CBL: variants seen among roughly 807,000 people sequenced by gnomAD.
CBL encodes E3 ubiquitin-protein ligase CBL.
CBL carries 45 observed loss-of-function variants against 96.9 expected under a neutral mutation model. The observed-to-expected ratio is 0.46, with a 90% confidence interval of 0.37 to 0.60. The LOEUF (loss-of-function observed/expected upper bound fraction) is 0.60. Among genes scored for constraint, CBL ranks in the 20% least tolerant of loss-of-function variants. The pLI, the probability that CBL is intolerant of heterozygous loss-of-function variation, is 0.00. For missense variants in CBL, 1,024 were observed against 1,143.5 expected (o/e 0.90, Z 1.51); for synonymous variants, 420 against 426.8 (o/e 0.98, Z 0.20).
chr11:119,264,224 G>T (rs1409958659), intron 2 of CBL, among the ~76,000 whole-genome samples: 1 of 152,058 alleles, frequency 6.6e-6, no homozygotes, highest in African/African-American at 2.4e-5. Context: ...TTCTTCAGTG[G>T]ATTTTTTGGT....
intron 1 of CBL, among the ~76,000 whole-genome samples, chr11:119,225,719 A>ATT (rs1216251558): frequency 1.1e-4 from 7 of 66,154 alleles, no homozygotes; most frequent in East Asian, 4.9e-4. Context: ...CAATATAAAT[A>ATT]TTTTCTTTTT....
intron 3 of CBL, among the ~76,000 whole-genome samples, chr11:119,272,541 A>G (rs1949857212): frequency 6.6e-6 from 1 of 152,200 alleles, no homozygotes; most frequent in Admixed American, 6.5e-5. Context: ...TGGAATTGCT[A>G]AGTCTTGGGG....
chr11:119,298,304 G>C (rs1950077173), intron 14 of CBL, 54 bp from the exon 15 acceptor site: 1 of 1,469,606 alleles, frequency 6.8e-7, no homozygotes, highest in Non-Finnish European at 9.5e-7. Context: ...GTATTGAAAT[G>C]TATTAGAAGA....
Position 119,302,650 on chromosome 11 carries a change from G to C in CBL, c.*2869G>C. ...GGATTGCTTTCCAAGCTGCCTTGTT[G>C]CGGGGTTGCTGCAGAGCAGCAACTG... On this transcript the variant is annotated 3_prime_UTR_variant, in exon 16 of 16. Transcript: ENST00000264033. The C allele has an allele frequency of 4.3e-6, 1 of 231,354 alleles. No individual in the cohort carries two copies. The highest frequency in any genetic ancestry group is 8.6e-6 in the Non-Finnish European group (1 of 116,904). 14.3% of individuals were successfully genotyped at this position (231,354 alleles called of 1,614,324 possible). A position where few individuals can be genotyped will look rare whatever the true frequency, so the allele number is the denominator to read the frequency against.
At chr11:119,279,118 A>G (rs1013684837) in intron 9 of CBL, among the ~76,000 whole-genome samples, 10 of 152,008 alleles carry the variant, frequency 6.6e-5, no homozygotes, top group African/African-American at 2.2e-4. Flanking sequence ...TATGAGGGAG[A>G]AATAAAAGAA....
Position 119,296,914 on chromosome 11 carries a change from C to T in CBL, c.2037-4C>T. 2 of 1,447,440 alleles carry T rather than the reference C, an allele frequency of 1.4e-6. No individual in the cohort carries two copies. The highest frequency in any genetic ancestry group is 1.9e-6 in the Non-Finnish European group (2 of 1,027,766). The allele number at this position is 1,447,440 out of a possible 1,614,324, so 89.7% of individuals were successfully genotyped here. A position where few individuals can be genotyped will look rare whatever the true frequency, so the allele number is the denominator to read the frequency against. Reference sequence around the variant, plus strand: ...TTTTCTATTTTTTATTCTTCATCTTCCAGACCTCTTCCTGTGCCAAAACTG... The same window carrying T: ...TTTTCTATTTTTTATTCTTCATCTTTCAGACCTCTTCCTGTGCCAAAACTG... On this transcript the variant is annotated splice_polypyrimidine_tract_variant and splice_region_variant and intron_variant, in intron 12 of 15. Coordinates refer to ENST00000264033, the MANE Select transcript of CBL (RefSeq NM_005188.4).
rs1949980033 is a variant in CBL at position 119,285,711 on chromosome 11, C to A, written c.1941+145C>A. The A allele has an allele frequency of 3.4e-6, 3 of 887,874 alleles. No homozygotes were observed. In the Admixed American group the frequency reaches 6.3e-5, roughly 19 times the overall value. 55.0% of individuals were successfully genotyped at this position (887,874 alleles called of 1,614,324 possible). A position where few individuals can be genotyped will look rare whatever the true frequency, so the allele number is the denominator to read the frequency against. On this transcript the variant is annotated intron_variant, in intron 11 of 15. Coordinates refer to ENST00000264033, the MANE Select transcript of CBL (RefSeq NM_005188.4). The stretch of plus-strand genomic sequence containing the variant: ...AGGATTTCGAGACCAGCCTGGGGGA[C>A]GTAGTGAAACCCTGTCTCTACAAAA...
chr11:119,259,955 G>GATT (rs1949741533), intron 2 of CBL, among the ~76,000 whole-genome samples: 1 of 152,138 alleles, frequency 6.6e-6, no homozygotes, highest in Admixed American at 6.5e-5. Context: ...GTTTCAGCTT[G>GATT]ATTATCTTGT....
intron 1 of CBL, among the ~76,000 whole-genome samples, chr11:119,210,134 T>C (rs1235584779): frequency 2.6e-5 from 4 of 152,170 alleles, no homozygotes; most frequent in Non-Finnish European, 5.9e-5. Context: ...CCCAACACTT[T>C]GGGAGGATGA....
intron 1 of CBL, among the ~76,000 whole-genome samples, chr11:119,208,984 A>G (rs1383624381): frequency 6.6e-6 from 1 of 151,866 alleles, no homozygotes; most frequent in South Asian, 2.1e-4. Context: ...AGGGAGAGGG[A>G]TGTTTTATTT....
At chr11:119,295,360 C>T (rs1405468121) in intron 12 of CBL, among the ~76,000 whole-genome samples, 1 of 152,012 alleles carries the variant, frequency 6.6e-6, no homozygotes, top group African/African-American at 2.4e-5. Flanking sequence ...ATTTCTACAG[C>T]TCTGTAACAA....
chr11:119,306,611 T>C lies in CBL; in HGVS notation c.*6830T>C. 2.7e-6 allele frequency: 1 copy of C among 371,214 alleles called. No individual in the cohort carries two copies. The highest frequency in any genetic ancestry group is 4.6e-5 in the Admixed American group (1 of 21,768). 23.0% of individuals were successfully genotyped at this position (371,214 alleles called of 1,614,324 possible). ...TTCTTGTGGGTGAGGGTGGCCATGC[T>C]TATGGCCATCTTAAAACTGGAGAGG... On this transcript the variant is annotated 3_prime_UTR_variant, in exon 16 of 16. Coordinates refer to ENST00000264033, the MANE Select transcript of CBL (RefSeq NM_005188.4).
At chr11:119,280,228 A>G (rs890408820) in intron 9 of CBL, among the ~76,000 whole-genome samples, 4 of 152,222 alleles carry the variant, frequency 2.6e-5, no homozygotes, top group African/African-American at 9.6e-5. Flanking sequence ...GGATTGCTGC[A>G]TAAGGGAGTG....
In CBL at chr11:119,232,651, C is replaced by T. The variant is rs2135266372; in HGVS notation, c.399C>T (p.Phe133=). ...AAACTAAGCAAACCATAAGCCTCTT[C>T]AAGGAGGGAAAAGAAAGAATGTATG... ...MKKTKQTISL[F]KEGKERMYEE... is the part of the protein sequence containing the mutation. Residue 133 remains phenylalanine (F), a synonymous_variant, in exon 2 of 16, where the codon TTC becomes TTT. Transcript: ENST00000264033. The T allele has an allele frequency of 1.2e-6, 2 of 1,613,738 alleles. No individual in the cohort carries two copies. The highest frequency in any genetic ancestry group is 4.5e-5 in the East Asian group (2 of 44,884).
At chr11:119,213,926 G>A (rs1447973390) in intron 1 of CBL, among the ~76,000 whole-genome samples, 2 of 151,224 alleles carry the variant, frequency 1.3e-5, no homozygotes, top group Non-Finnish European at 2.9e-5. Context: ...GGTATGGAGG[G>A]GGGCATTCAT....
chr11:119,271,878 A>G lies in CBL; in HGVS notation c.587A>G (p.Glu196Gly). ...AAEFWRKAFG[E>G]KTIVPWKSFR... ...GAATTTTGGAGAAAAGCTTTTGGGG[A>G]AAAGTAAGTCTCAGAATAATGAATT... Residue 196 changes from glutamate to glycine, a missense_variant, in exon 3 of 16, where the codon GAA becomes GGA. Transcript: ENST00000264033. 6.2e-7 allele frequency: 1 copy of G among 1,613,770 alleles called. No homozygotes were observed. Among genetic ancestry groups the G allele is most frequent in the Non-Finnish European group, 8.5e-7 (1 of 1,179,702 alleles).
At chr11:119,283,621 C>CTTTTTTTT (rs1410071154) in intron 9 of CBL, among the ~76,000 whole-genome samples, 3 of 36,508 alleles carry the variant, frequency 8.2e-5, no homozygotes, top group Admixed American at 3.0e-4. Context: ...CTTTTTAATT[C>CTTTTTTTT]TTTCTTTTTT....
chr11:119,268,953 A>C (rs538593242), intron 2 of CBL, among the ~76,000 whole-genome samples: 1 of 152,160 alleles, frequency 6.6e-6, no homozygotes, highest in South Asian at 2.1e-4. Flanking sequence ...TCAATAATCT[A>C]GTTTAGGGAC....
chr11:119,296,038 A>G (rs1950060508), intron 12 of CBL, among the ~76,000 whole-genome samples: 2 of 152,142 alleles, frequency 1.3e-5, no homozygotes, highest in Admixed American at 6.5e-5. Flanking sequence ...ATAAGAAAAA[A>G]CCTCAAGTGA....
Sources: allele counts gnomAD v4.1 joint callset (sites outside exome capture counted in the v4.1 genomes callset), GRCh38; gene constraint gnomAD v4.1.1; transcripts MANE v1.5; gene names NCBI Gene and HGNC (gene_info 2026-07-23, HGNC 2026-07-21).